Variants in MRPL3 observed in about 807,000 individuals in gnomAD.
MRPL3 encodes the protein mitochondrial ribosomal protein L3.
Under a neutral mutation model 44.3 loss-of-function variants are expected in MRPL3, and 43 were observed. The observed-to-expected ratio is 0.97, with a 90% confidence interval of 0.76 to 1.25. The LOEUF (loss-of-function observed/expected upper bound fraction) is 1.25, where lower values mean the gene tolerates loss of function less well. MRPL3 is among the 50% of genes most tolerant of loss of function. The probability of loss-of-function intolerance (pLI) is 0.00; values close to 1 mark genes in which losing one functional copy is unlikely to be tolerated. For missense variants in MRPL3, 406 were observed against 427.6 expected, an observed-to-expected ratio of 0.95 and a Z score of 0.45; for synonymous variants, 171 against 152.3, an observed-to-expected ratio of 1.12 and a Z score of -0.91.
chr3:131,502,046 T>C (rs1012334963), intron 1 of MRPL3: 7 of 745,812 alleles, frequency 9.4e-6, no homozygotes, highest in African/African-American at 1.8e-5. Context: ...TTACATTCAG[T>C]GGAGGTGGCA....
chr3:131,500,973 T>C (rs1934485659), intron 2 of MRPL3, among the ~76,000 whole-genome samples: 1 of 152,196 alleles, frequency 6.6e-6, no homozygotes, highest in African/African-American at 2.4e-5. Context: ...GACACTTAGA[T>C]TCTTTGCATA....
chr3:131,467,297 C>T (rs1933635021), intron 9 of MRPL3, among the ~76,000 whole-genome samples: 1 of 151,882 alleles, frequency 6.6e-6, no homozygotes, highest in Admixed American at 6.6e-5. Flanking sequence ...TTTATCCATT[C>T]ATTTGTAGAT....
intron 6 of MRPL3, among the ~76,000 whole-genome samples, chr3:131,483,050 C>CTAAA (rs1272262666): frequency 6.7e-6 from 1 of 149,370 alleles, no homozygotes; most frequent in Non-Finnish European, 1.5e-5. Flanking sequence ...AAAAAATGGG[C>CTAAA]TAAACATCCT....
intron 5 of MRPL3, among the ~76,000 whole-genome samples, chr3:131,487,976 T>C (rs966948353): frequency 2.0e-5 from 3 of 152,230 alleles, no homozygotes; most frequent in African/African-American, 4.8e-5. Context: ...GACAACACAG[T>C]GTTCTTGCTG....
chr3:131,478,493 T>C (rs1933904063), intron 6 of MRPL3, among the ~76,000 whole-genome samples: 1 of 152,288 alleles, frequency 6.6e-6, no homozygotes, highest in African/African-American at 2.4e-5. Flanking sequence ...TAAGGTTTTT[T>C]ATAACTGGAT....
At chr3:131,486,795 A>T (rs1559825692) in intron 6 of MRPL3, among the ~76,000 whole-genome samples, 1 of 152,178 alleles carries the variant, frequency 6.6e-6, no homozygotes, top group Non-Finnish European at 1.5e-5. Context: ...ATCATTAAAA[A>T]GGAAACAACA....
intron 6 of MRPL3, among the ~76,000 whole-genome samples, chr3:131,474,763 T>C (rs961013205): frequency 4.2e-5 from 6 of 142,640 alleles, no homozygotes; most frequent in Non-Finnish European, 9.2e-5. Flanking sequence ...CTAGACTTTT[T>C]AATTTTTTTT....
At chr3:131,501,030 C>A (rs866236847) in intron 2 of MRPL3, among the ~76,000 whole-genome samples, 3 of 152,168 alleles carry the variant, frequency 2.0e-5, no homozygotes, top group Non-Finnish European at 2.9e-5. Context: ...CTATCCAATT[C>A]GACTGTCACA....
At chr3:131,482,278 A>T (rs981564629) in intron 6 of MRPL3, among the ~76,000 whole-genome samples, 2 of 152,028 alleles carry the variant, frequency 1.3e-5, no homozygotes, top group African/African-American at 4.8e-5. Flanking sequence ...GCACTTTGAG[A>T]GGCTGAGGCA....
At chr3:131,464,127 A>T (rs921432395) in intron 9 of MRPL3, among the ~76,000 whole-genome samples, 4 of 152,136 alleles carry the variant, frequency 2.6e-5, no homozygotes, top group African/African-American at 9.7e-5. Context: ...ATTCTTACCA[A>T]TTTAAACTTG....
intron 6 of MRPL3, among the ~76,000 whole-genome samples, chr3:131,483,122 T>C (rs1037673940): frequency 2.0e-5 from 3 of 152,116 alleles, no homozygotes; most frequent in African/African-American, 7.2e-5. Flanking sequence ...ATTATAGCTG[T>C]TCCCTCTTCA....
intron 5 of MRPL3, among the ~76,000 whole-genome samples, chr3:131,488,314 A>T (rs960995040): frequency 6.6e-6 from 1 of 152,170 alleles, no homozygotes; most frequent in Non-Finnish European, 1.5e-5. Context: ...AATTGCCTTT[A>T]TAGATACTTA....
intron 9 of MRPL3, among the ~76,000 whole-genome samples, chr3:131,467,712 G>C (rs866363779): frequency 6.6e-6 from 1 of 152,090 alleles, no homozygotes; most frequent in African/African-American, 2.4e-5. Context: ...TGAACAGCCT[G>C]TGGAACCACG....
At chr3:131,469,370 A>T (rs1237484595) in intron 8 of MRPL3, among the ~76,000 whole-genome samples, 1 of 152,116 alleles carries the variant, frequency 6.6e-6, no homozygotes, top group East Asian at 1.9e-4. Flanking sequence ...AATAAAGAGT[A>T]TTATACTGAA....
At chr3:131,478,213 G>A (rs1933898190) in intron 6 of MRPL3, among the ~76,000 whole-genome samples, 2 of 152,104 alleles carry the variant, frequency 1.3e-5, no homozygotes, top group South Asian at 4.2e-4. Context: ...TTAGTAATAA[G>A]CTGGAGTTCC....
chr3:131,471,873 T>C (rs925771666), intron 6 of MRPL3, among the ~76,000 whole-genome samples: 2 of 152,186 alleles, frequency 1.3e-5, no homozygotes, highest in Non-Finnish European at 2.9e-5. Flanking sequence ...CCACAGCTAG[T>C]GTAAACTGTC....
chr3:131,485,156 A>G (rs980420806), intron 6 of MRPL3, among the ~76,000 whole-genome samples: 4 of 152,228 alleles, frequency 2.6e-5, no homozygotes, highest in Non-Finnish European at 5.9e-5. Context: ...ACCAAAAAAC[A>G]AAAGTTTTCC....
chr3:131,497,383 T>C (rs1934393636), intron 4 of MRPL3, among the ~76,000 whole-genome samples: 1 of 152,066 alleles, frequency 6.6e-6, no homozygotes, highest in Admixed American at 6.6e-5. Flanking sequence ...GAAAATAGAG[T>C]AGTTAGTAGG....
intron 5 of MRPL3, among the ~76,000 whole-genome samples, chr3:131,489,379 A>C (rs1934198628): frequency 6.6e-6 from 1 of 152,116 alleles, no homozygotes; most frequent in Admixed American, 6.6e-5. Context: ...TTTAGTTCCG[A>C]TATTAAATAC....
Sources: allele counts gnomAD v4.1 joint callset (sites outside exome capture counted in the v4.1 genomes callset), GRCh38; gene constraint gnomAD v4.1.1; transcripts MANE v1.5; gene names NCBI Gene and HGNC (gene_info 2026-07-23, HGNC 2026-07-21).